The following KCNQ1 variants were observed in gnomAD, a reference collection of about 807,000 sequenced individuals.
KCNQ1 encodes the protein potassium voltage-gated channel subfamily Q member 1.
Under a neutral mutation model 72.4 loss-of-function variants are expected in KCNQ1, and 49 were observed. That is an observed-to-expected ratio of 0.68 (90% CI 0.54 to 0.86). KCNQ1 has a LOEUF of 0.86. Ranked by LOEUF, KCNQ1 falls within the 40% of genes least tolerant of loss-of-function variation. KCNQ1 has a pLI of 0.00. For synonymous variants in KCNQ1, 450 were observed against 412.6 expected (o/e 1.09, Z -1.10); for missense variants, 790 against 945.1 (o/e 0.84, Z 2.15).
Position 2,601,745 on chromosome 11 carries a change from A to G in KCNQ1, c.1393+12891A>G, listed in dbSNP as rs1848811626. Among the ~76,000 whole-genome samples, 2 of 152,224 alleles carry G rather than the reference A, an allele frequency of 1.3e-5. No homozygotes were observed. Among genetic ancestry groups the G allele is most frequent in the African/African-American group, 4.8e-5 (2 of 41,448 alleles). ...CATTCCGGTTGTTTTGTATCGCGAC[A>G]GTTCATTAAATCATAGTGCTGAGTG... On this transcript the variant is annotated intron_variant, in intron 10 of 15. Transcript: ENST00000155840. This position sits in a 1 kb window ranked among gnomAD's most constrained non-coding sequence, Gnocchi z 5.2.
At chr11:2,797,158 CCTG>C (rs1485963287) in intron 15 of KCNQ1, among the ~76,000 whole-genome samples, 1 of 136,848 alleles carries the variant, frequency 7.3e-6, no homozygotes, top group Non-Finnish European at 1.6e-5. Flanking sequence ...TCCGGGCAGA[CCTG>C]GGGGGGTGGC....
chr11:2,616,016 T>C lies in KCNQ1; in HGVS notation c.1393+27162T>C, dbSNP rs980448249. 34 of 398,104 alleles carry C rather than the reference T, an allele frequency of 8.5e-5. No individual in the cohort carries two copies. The East Asian group carries it at 1.2e-3, about 14-fold the overall frequency. The allele number at this position is 398,104 out of a possible 1,614,324, so 24.7% of individuals were successfully genotyped here. A position where few individuals can be genotyped will look rare whatever the true frequency, so the allele number is the denominator to read the frequency against. ...TTTTCTTCATTGGAAGGTTTTTGGT[T>C]ACTGATTCAAACTTTCTACTTGTTA... On this transcript the variant is annotated intron_variant, in intron 10 of 15. Coordinates refer to ENST00000155840, the MANE Select transcript of KCNQ1 (RefSeq NM_000218.3).
At chr11:2,731,981 G>A (rs1845865254) in intron 11 of KCNQ1, among the ~76,000 whole-genome samples, 1 of 152,272 alleles carries the variant, frequency 6.6e-6, no homozygotes. Flanking sequence ...CAGGGGACCA[G>A]CGAGGTGTGG....
chr11:2,521,050 T>C (rs1192432812), intron 1 of KCNQ1, among the ~76,000 whole-genome samples: 1 of 144,770 alleles, frequency 6.9e-6, no homozygotes, highest in Non-Finnish European at 1.5e-5. Context: ...AAAAAAAGTT[T>C]TTTTTTTATT....
Position 2,676,202 on chromosome 11 carries a change from T to G in KCNQ1, c.1514+14121T>G. The G allele has an allele frequency of 2.5e-6, 1 of 398,662 alleles. No homozygotes were observed. Among genetic ancestry groups the G allele is most frequent in the Non-Finnish European group, 4.4e-6 (1 of 226,070 alleles). The allele number at this position is 398,662 out of a possible 1,614,324, so 24.7% of individuals were successfully genotyped here. On this transcript the variant is annotated intron_variant, in intron 11 of 15. Coordinates refer to ENST00000155840, the MANE Select transcript of KCNQ1 (RefSeq NM_000218.3). The surrounding 1 kb of genome is among the most constrained non-coding windows in gnomAD (Gnocchi z 4.2). ...TCTTCCATAGGTATGCCATACTTCTTTTTGAGCTGTACATACAATGCTGAT... is the reference window on the plus strand; with the variant it reads ...TCTTCCATAGGTATGCCATACTTCTGTTTGAGCTGTACATACAATGCTGAT...
At position 2,678,818 on chromosome 11, in the gene KCNQ1, A is replaced by C. The variant is rs1258891627; in HGVS notation, c.1514+16737A>C. 5 of 398,468 alleles carry C rather than the reference A, an allele frequency of 1.3e-5. No individual in the cohort carries two copies. The highest frequency in any genetic ancestry group is 2.1e-5 in the African/African-American group (1 of 48,604). The allele number at this position is 398,468 out of a possible 1,614,324, so 24.7% of individuals were successfully genotyped here. A position where few individuals can be genotyped will look rare whatever the true frequency, so the allele number is the denominator to read the frequency against. Reference sequence around the variant, plus strand: ...GGGAGCATGAGCACTTGTTTCTTCCAAGGCTCACTTCAAGGAAGGCAGAAT... The same window carrying C: ...GGGAGCATGAGCACTTGTTTCTTCCCAGGCTCACTTCAAGGAAGGCAGAAT... On this transcript the variant is annotated intron_variant, in intron 11 of 15. Transcript: ENST00000155840. This position sits in a 1 kb window ranked among gnomAD's most constrained non-coding sequence, Gnocchi z 4.9.
At chr11:2,738,893 G>A (rs1027593158) in intron 11 of KCNQ1, among the ~76,000 whole-genome samples, 1 of 152,228 alleles carries the variant, frequency 6.6e-6, no homozygotes, top group Non-Finnish European at 1.5e-5. Flanking sequence ...CTGTTGTTGC[G>A]GGTGCAGTGA....
chr11:2,647,760 G>A lies in KCNQ1; in HGVS notation c.1394-14201G>A, dbSNP rs1849688453. 1 of 397,936 alleles carries A rather than the reference G, an allele frequency of 2.5e-6. No individual in the cohort carries two copies. Among genetic ancestry groups the A allele is most frequent in the African/African-American group, 2.1e-5 (1 of 48,396 alleles). 24.7% of individuals were successfully genotyped at this position (397,936 alleles called of 1,614,324 possible). A position where few individuals can be genotyped will look rare whatever the true frequency, so the allele number is the denominator to read the frequency against. On this transcript the variant is annotated intron_variant, in intron 10 of 15. Transcript: ENST00000155840. The surrounding 1 kb of genome is among the most constrained non-coding windows in gnomAD (Gnocchi z 4.0). ...TCCAGGAATTTATCTCTTTCCTCTAGGTTTTCTAATTGTTGACATATAGTT... is the reference window on the plus strand; with the variant it reads ...TCCAGGAATTTATCTCTTTCCTCTAAGTTTTCTAATTGTTGACATATAGTT...
chr11:2,493,302 C>T lies in KCNQ1; in HGVS notation c.387-34626C>T, dbSNP rs1025577248. Among the ~76,000 whole-genome samples, 1 of 152,078 alleles carries T rather than the reference C, an allele frequency of 6.6e-6. No individual in the cohort carries two copies. Among genetic ancestry groups the T allele is most frequent in the African/African-American group, 2.4e-5 (1 of 41,394 alleles). ...ATATTTTCTCCCATTCTGTAGGTTG[C>T]CTATTCACTCTGATGCTAGCTTCTT... On this transcript the variant is annotated intron_variant, in intron 1 of 15. Coordinates refer to ENST00000155840, the MANE Select transcript of KCNQ1 (RefSeq NM_000218.3). This position sits in a 1 kb window ranked among gnomAD's most constrained non-coding sequence, Gnocchi z 5.3.
chr11:2,491,235 G>A lies in KCNQ1; in HGVS notation c.387-36693G>A, dbSNP rs1846831854. ...AAGACCATCTAGGAAAACATGACCT[G>A]ACCAAACAAACTAAATAAAGCATCA... On this transcript the variant is annotated intron_variant, in intron 1 of 15. Coordinates refer to ENST00000155840, the MANE Select transcript of KCNQ1 (RefSeq NM_000218.3). This position sits in a 1 kb window ranked among gnomAD's most constrained non-coding sequence, Gnocchi z 4.1. 6.6e-6 allele frequency among the ~76,000 whole-genome samples: 1 copy of A among 152,154 alleles called. No individual in the cohort carries two copies. The highest frequency in any genetic ancestry group is 1.5e-5 in the Non-Finnish European group (1 of 68,038).
In KCNQ1 at chr11:2,620,948, G is replaced by GTTTTGTT. The variant is rs1849160311; in HGVS notation, c.1393+32098_1393+32099insGTTTTTT. 2.9e-6 allele frequency: 1 copy of GTTTTGTT among 343,498 alleles called. No homozygotes were observed. The highest frequency in any genetic ancestry group is 5.1e-6 in the Non-Finnish European group (1 of 195,134). 21.3% of individuals were successfully genotyped at this position (343,498 alleles called of 1,614,324 possible). A position where few individuals can be genotyped will look rare whatever the true frequency, so the allele number is the denominator to read the frequency against. ...TTTTTTGTTGTTGTTGTTTTGTTTTGTTTTTTTTTGTCTGTTTTTTGCTTT... is the reference window on the plus strand; with the variant it reads ...TTTTTTGTTGTTGTTGTTTTGTTTTGTTTTGTTTTTTTTTTTGTCTGTTTTTTGCTTT... On this transcript the variant is annotated intron_variant, in intron 10 of 15. Transcript: ENST00000155840. The surrounding 1 kb of genome is among the most constrained non-coding windows in gnomAD (Gnocchi z 4.5).
intron 1 of KCNQ1, among the ~76,000 whole-genome samples, chr11:2,487,665 T>A (rs536132519): frequency 4.9e-4 from 74 of 152,220 alleles, no homozygotes; most frequent in Non-Finnish European, 9.4e-4. Flanking sequence ...ATTTTTAGAT[T>A]GTTCATTGTT....
At position 2,478,637 on chromosome 11, in the gene KCNQ1, G is replaced by A. The variant is rs1846608692; in HGVS notation, c.386+33153G>A. Among the ~76,000 whole-genome samples, 1 of 152,128 alleles carries A rather than the reference G, an allele frequency of 6.6e-6. No individual in the cohort carries two copies. Among genetic ancestry groups the A allele is most frequent in the Admixed American group, 6.5e-5 (1 of 15,274 alleles). On this transcript the variant is annotated intron_variant, in intron 1 of 15. Coordinates refer to ENST00000155840, the MANE Select transcript of KCNQ1 (RefSeq NM_000218.3). The surrounding 1 kb of genome is among the most constrained non-coding windows in gnomAD (Gnocchi z 4.0). ...CACGAGGTCCCTCCCATGACACGTG[G>A]GAATTATGGGAGCTACAATTCACGA...
intron 11 of KCNQ1, among the ~76,000 whole-genome samples, chr11:2,727,344 AG>A (rs1164932999): frequency 6.6e-6 from 1 of 152,214 alleles, no homozygotes; most frequent in Admixed American, 6.5e-5. Context: ...TCTGTAAAAC[AG>A]GGACAATCAC....
rs1452372825 is a variant in KCNQ1 at position 2,783,733 on chromosome 11, A to G, written c.1794+5696A>G. On this transcript the variant is annotated intron_variant, in intron 15 of 15. Transcript: ENST00000155840. This position sits in a 1 kb window ranked among gnomAD's most constrained non-coding sequence, Gnocchi z 5.2. The stretch of plus-strand genomic sequence containing the variant: ...GTATCTCATTGTGGTTTTGATTTGC[A>G]TTTCCCTAATGACTAATGATGTTGA... Among the ~76,000 whole-genome samples, 2 of 151,970 alleles carry G rather than the reference A, an allele frequency of 1.3e-5. No homozygotes were observed. Among genetic ancestry groups the G allele is most frequent in the Non-Finnish European group, 2.9e-5 (2 of 67,894 alleles).
intron 1 of KCNQ1, among the ~76,000 whole-genome samples, chr11:2,452,065 G>T (rs1198307775): frequency 6.6e-6 from 1 of 152,222 alleles, no homozygotes; most frequent in Non-Finnish European, 1.5e-5. Flanking sequence ...CGTCCTGGCA[G>T]CGGGTGAGCT....
Position 2,767,659 on chromosome 11 carries a change from G to T in KCNQ1, c.1515-1185G>T, listed in dbSNP as rs778225300. ...GTTAATGTGATGGAAAGTTGGCATT[G>T]CTTAGTTTCTGGGGCTGCCTTCTAG... On this transcript the variant is annotated intron_variant, in intron 11 of 15. Transcript: ENST00000155840. The surrounding 1 kb of genome is among the most constrained non-coding windows in gnomAD (Gnocchi z 4.6). 2.6e-5 allele frequency among the ~76,000 whole-genome samples: 4 copies of T among 152,186 alleles called. No homozygotes were observed. Among genetic ancestry groups the T allele is most frequent in the Admixed American group, 6.5e-5 (1 of 15,288 alleles).
rs1849203226 is a variant in KCNQ1, at chr11:2,623,187, C to G, written c.1393+34333C>G. ...GATGTGCCTGCTTCTCCTTTGCCTTCCGCCATGATTTTAAGTTTCTGAGGC... is the reference window on the plus strand; with the variant it reads ...GATGTGCCTGCTTCTCCTTTGCCTTGCGCCATGATTTTAAGTTTCTGAGGC... On this transcript the variant is annotated intron_variant, in intron 10 of 15. Transcript: ENST00000155840. The surrounding 1 kb of genome is among the most constrained non-coding windows in gnomAD (Gnocchi z 5.2). 1 of 398,690 alleles carries G rather than the reference C, an allele frequency of 2.5e-6. No homozygotes were observed. Among genetic ancestry groups the G allele is most frequent in the Non-Finnish European group, 4.4e-6 (1 of 226,166 alleles). The allele number at this position is 398,690 out of a possible 1,614,324, so 24.7% of individuals were successfully genotyped here. A position where few individuals can be genotyped will look rare whatever the true frequency, so the allele number is the denominator to read the frequency against.
At chr11:2,684,814 G>C (rs1369786704) in intron 11 of KCNQ1, 3 of 398,528 alleles carry the variant, frequency 7.5e-6, no homozygotes, top group East Asian at 7.1e-5. Context: ...TCCAAGGCTT[G>C]AGGTCTCCTA....
Sources: gnomAD v4.1 joint callset for allele counts (sites outside exome capture counted in the v4.1 genomes callset) on GRCh38, gnomAD v4.1.1 for gene constraint, Gnocchi (gnomAD v3.1) non-coding constraint, MANE v1.5 for transcripts, NCBI Gene and HGNC (gene_info 2026-07-23, HGNC 2026-07-21) for gene names.